Variants in ROR1 observed in about 807,000 individuals in gnomAD.
ROR1 encodes the protein ROR family WNT receptor 1.
Under a neutral mutation model 78.8 loss-of-function variants are expected in ROR1, and 19 were observed. The observed-to-expected ratio is 0.24, with a 90% CI of 0.17 to 0.35. The LOEUF (loss-of-function observed/expected upper bound fraction) is 0.35, where lower values mean the gene tolerates loss of function less well. ROR1 is among the 10% of genes least tolerant of loss of function. ROR1 has a pLI of 1.00. For synonymous variants in ROR1, 386 were observed against 433.6 expected (o/e 0.89, Z 1.36); for missense variants, 917 against 1,177.8 (o/e 0.78, Z 3.24).
chr1:63,847,188 C>G (rs879932643), intron 1 of ROR1, among the ~76,000 whole-genome samples: 2 of 152,108 alleles, frequency 1.3e-5, no homozygotes, highest in Non-Finnish European at 2.9e-5. Flanking sequence ...GTGCTGGCTC[C>G]GTGCCTTGGT....
intron 1 of ROR1, among the ~76,000 whole-genome samples, chr1:63,989,551 T>C (rs1646278663): frequency 6.6e-6 from 1 of 152,208 alleles, no homozygotes; most frequent in South Asian, 2.1e-4. Context: ...TGCCTTTAAT[T>C]CATCATTCCT....
At chr1:63,858,024 T>G (rs1263144625) in intron 1 of ROR1, among the ~76,000 whole-genome samples, 7 of 143,426 alleles carry the variant, frequency 4.9e-5, no homozygotes, top group Admixed American at 4.0e-4. Context: ...TTCAGGCACA[T>G]GGGAACCCTC....
At chr1:64,094,002 T>C (rs1289707105) in intron 4 of ROR1, among the ~76,000 whole-genome samples, 2 of 152,212 alleles carry the variant, frequency 1.3e-5, no homozygotes, top group Admixed American at 6.5e-5. Context: ...AGAACTTACA[T>C]TGAAAGCTAG....
At chr1:63,988,592 A>C (rs982580550) in intron 1 of ROR1, among the ~76,000 whole-genome samples, 4 of 152,196 alleles carry the variant, frequency 2.6e-5, no homozygotes, top group Non-Finnish European at 2.9e-5. Flanking sequence ...GAAATTTTTC[A>C]TCTCCTCCAA....
chr1:63,874,560 A>T (rs1645272059), intron 1 of ROR1, among the ~76,000 whole-genome samples: 2 of 152,138 alleles, frequency 1.3e-5, no homozygotes, highest in South Asian at 4.1e-4. Flanking sequence ...AAAGAATTTC[A>T]TTGATGAGTG....
intron 1 of ROR1, among the ~76,000 whole-genome samples, chr1:63,906,868 CAAAAG>C (rs3030367): frequency 0.026 from 3,977 of 152,090 alleles, 172 homozygotes; most frequent in African/African-American, 0.091. Flanking sequence ...ATTTTTTTGT[CAAAAG>C]AAAAGTCCTA....
chr1:64,093,006 G>A (rs1011545829), intron 4 of ROR1, among the ~76,000 whole-genome samples: 9 of 152,142 alleles, frequency 5.9e-5, no homozygotes, highest in African/African-American at 2.2e-4. Context: ...TTTTAGTAAG[G>A]GTGACCACTT....
At chr1:64,138,477 A>G (rs778810377) in intron 5 of ROR1, among the ~76,000 whole-genome samples, 4 of 151,864 alleles carry the variant, frequency 2.6e-5, no homozygotes, top group Non-Finnish European at 5.9e-5. Flanking sequence ...CCCAGAAGCT[A>G]TGTGGAAGCT....
chr1:63,872,301 G>C (rs1294980214), intron 1 of ROR1, among the ~76,000 whole-genome samples: 2 of 152,134 alleles, frequency 1.3e-5, no homozygotes, highest in African/African-American at 4.8e-5. Flanking sequence ...TGTGAGAATT[G>C]TCTCTTAAAA....
At chr1:63,836,283 G>A (rs1645018392) in intron 1 of ROR1, among the ~76,000 whole-genome samples, 1 of 152,162 alleles carries the variant, frequency 6.6e-6, no homozygotes, top group Non-Finnish European at 1.5e-5. Context: ...GTGTCTGATG[G>A]CTTTTGAGAC....
chr1:63,881,872 G>T (rs1051438292), intron 1 of ROR1, among the ~76,000 whole-genome samples: 3 of 152,120 alleles, frequency 2.0e-5, no homozygotes, highest in African/African-American at 7.2e-5. Flanking sequence ...GAATTCTGAG[G>T]CTTTGTCTGG....
intron 8 of ROR1, among the ~76,000 whole-genome samples, chr1:64,172,742 C>T (rs1186431654): frequency 1.3e-5 from 2 of 152,228 alleles, no homozygotes; most frequent in East Asian, 3.9e-4. Flanking sequence ...TTGAAATGAG[C>T]CAAAATTGAA....
intron 4 of ROR1, among the ~76,000 whole-genome samples, chr1:64,115,480 C>T (rs1648283862): frequency 6.6e-6 from 1 of 151,954 alleles, no homozygotes; most frequent in Non-Finnish European, 1.5e-5. Context: ...GCAATTCTCC[C>T]ACCCTAGCCT....
chr1:64,007,484 A>G (rs571325640), intron 1 of ROR1, among the ~76,000 whole-genome samples: 2 of 152,170 alleles, frequency 1.3e-5, no homozygotes, highest in Non-Finnish European at 1.5e-5. Context: ...TTCAAAAAAC[A>G]AGAACAACAA....
intron 1 of ROR1, among the ~76,000 whole-genome samples, chr1:63,924,522 T>G (rs145245271): frequency 4.6e-5 from 7 of 152,254 alleles, no homozygotes; most frequent in Non-Finnish European, 1.0e-4. Flanking sequence ...CTTCAGAGCA[T>G]TGCGGTATGG....
Position 64,119,595 on chromosome 1 carries a change from C to T in ROR1, c.483-17774C>T, listed in dbSNP as rs1334152214. ...TGGAGGTTGCAGTGAGCCCAGACTGCGCCATTGCACTCCAGCCTGGGTGAC... is the reference window on the plus strand; with the variant it reads ...TGGAGGTTGCAGTGAGCCCAGACTGTGCCATTGCACTCCAGCCTGGGTGAC... On this transcript the variant is annotated intron_variant, in intron 4 of 8. Coordinates refer to ENST00000371079, the MANE Select transcript of ROR1 (RefSeq NM_005012.4). 4.2e-4 allele frequency among the ~76,000 whole-genome samples: 61 copies of T among 145,232 alleles called. No homozygotes were observed. The Admixed American group carries it at 4.3e-3, about 10-fold the overall frequency.
At chr1:63,796,701 C>T (rs1467232033) in intron 1 of ROR1, among the ~76,000 whole-genome samples, 2 of 152,146 alleles carry the variant, frequency 1.3e-5, no homozygotes, top group East Asian at 1.9e-4. Flanking sequence ...GCTAGATATA[C>T]ATATTTCTTC....
chr1:63,811,339 A>G (rs1644858607), intron 1 of ROR1, among the ~76,000 whole-genome samples: 1 of 152,172 alleles, frequency 6.6e-6, no homozygotes, highest in Non-Finnish European at 1.5e-5. Flanking sequence ...GAGAGGAGTT[A>G]ATGATCAGTG....
Position 64,025,823 on chromosome 1 carries a change from A to G in ROR1, c.163+16447A>G, listed in dbSNP as rs557762272. 5.3e-5 allele frequency among the ~76,000 whole-genome samples: 8 copies of G among 152,304 alleles called. No individual in the cohort carries two copies. In the East Asian group the frequency reaches 1.5e-3, roughly 29 times the overall value. On this transcript the variant is annotated intron_variant, in intron 2 of 8. Coordinates refer to ENST00000371079, the MANE Select transcript of ROR1 (RefSeq NM_005012.4). ...AGTGGGAGCTAAGCTATGAGAATGC[A>G]AAGGCATAAGAATGATACAATGGAC... is the stretch of plus-strand genomic sequence containing the variant.
Sources: gnomAD v4.1 joint callset for allele counts (sites outside exome capture counted in the v4.1 genomes callset) on GRCh38, gnomAD v4.1.1 for gene constraint, MANE v1.5 for transcripts, NCBI Gene and HGNC (gene_info 2026-07-23, HGNC 2026-07-21) for gene names.